Variants in KLHL35 observed in about 807,000 individuals in gnomAD.
KLHL35 encodes the protein kelch like family member 35, also known as kelch-like protein 35.
Under a neutral mutation model 44.0 loss-of-function variants are expected in KLHL35, and 50 were observed. That is an observed-to-expected ratio of 1.14 (90% CI 0.91 to 1.44). The LOEUF is 1.44. Among genes scored for constraint, KLHL35 ranks in the 40% most tolerant of loss-of-function variants. The probability of loss-of-function intolerance (pLI) is 0.00; values close to 1 mark genes in which losing one functional copy is unlikely to be tolerated. For missense variants in KLHL35, 1,049 were observed against 887.8 expected (o/e 1.18, Z -2.31); for synonymous variants, 470 against 410.4 (o/e 1.15, Z -1.76).
intron 2 of KLHL35, 104 bp downstream of exon 2, chr11:75,429,645 G>T: frequency 6.2e-6 from 8 of 1,294,670 alleles, no homozygotes; most frequent in Non-Finnish European, 8.0e-6. Flanking sequence ...ACGAATGACT[G>T]AATATCATCA....
In KLHL35 at chr11:75,430,286, A is replaced by T; in HGVS notation, c.344T>A (p.Val115Glu). 1.7e-6 allele frequency: 2 copies of T among 1,206,886 alleles called. No individual in the cohort carries two copies. The highest frequency in any genetic ancestry group is 2.1e-6 in the Non-Finnish European group (2 of 975,140). 74.8% of individuals were successfully genotyped at this position (1,206,886 alleles called of 1,614,324 possible). A position where few individuals can be genotyped will look rare whatever the true frequency, so the allele number is the denominator to read the frequency against. ...VVLDYVYGAG[V>E]RLRAEDEAAA... ...CGCCTCGTCCTCCGCGCGCAGCCGC[A>T]CGCCCGCTCCGTACACGTAGTCGAG... The change falls in exon 2 of 7, where the codon GTG (valine) becomes GAG (glutamate). Residue 115 changes from valine (V) to glutamate (E), a missense_variant. Coordinates refer to ENST00000539798, the MANE Select transcript of KLHL35 (RefSeq NM_001039548.3).
chr11:75,423,839 C>T lies in KLHL35; in HGVS notation c.1416G>A (p.Arg472=), dbSNP rs1445900701. 1.2e-6 allele frequency: 2 copies of T among 1,613,656 alleles called. No homozygotes were observed. The highest frequency in any genetic ancestry group is 1.7e-6 in the Non-Finnish European group (2 of 1,179,820). Residue 472 remains arginine, a synonymous_variant, in exon 6 of 7, where the codon CGG becomes CGA. Transcript: ENST00000539798. Reference sequence around the variant, plus strand: ...ACCGCTGTGAGAAGGGTGCTGGTGACCGCAGGCTCCACCGGTCCTCCTTGG... The same window carrying T: ...ACCGCTGTGAGAAGGGTGCTGGTGATCGCAGGCTCCACCGGTCCTCCTTGG... ...FDPKEDRWSL[R]SPAPFSQRCL... is the part of the protein sequence containing the mutation.
chr11:75,425,757 T>C, intron 4 of KLHL35, 176 bp from the exon 5 acceptor site: 1 of 493,460 alleles, frequency 2.0e-6, no homozygotes, highest in Non-Finnish European at 3.4e-6. Context: ...CTCCACCCAG[T>C]TGCTGTACCT....
intron 1 of KLHL35, among the ~76,000 whole-genome samples, chr11:75,432,379 T>A (rs1262631346): frequency 6.6e-6 from 1 of 152,208 alleles, no homozygotes; most frequent in Admixed American, 6.5e-5. Context: ...GACTGGATCC[T>A]GAATCCACCT....
Position 75,422,485 on chromosome 11 carries a change from A to G in KLHL35, c.*95T>C. 1 of 1,133,030 alleles carries G rather than the reference A, an allele frequency of 8.8e-7. No individual in the cohort carries two copies. Among genetic ancestry groups the G allele is most frequent in the Admixed American group, 2.1e-5 (1 of 48,362 alleles). The allele number at this position is 1,133,030 out of a possible 1,614,324, so 70.2% of individuals were successfully genotyped here. A position where few individuals can be genotyped will look rare whatever the true frequency, so the allele number is the denominator to read the frequency against. ...TACAAGAAAAGGGACCATTAAGTTA[A>G]GGGCTGTTTGCGTGGAGGTGCCATG... On this transcript the variant is annotated 3_prime_UTR_variant, in exon 7 of 7. Transcript: ENST00000539798.
rs1318763642 is a variant in KLHL35 at position 75,430,573 on chromosome 11, C to G, written c.57G>C (p.Ala19=). 1 of 1,449,218 alleles carries G rather than the reference C, an allele frequency of 6.9e-7. No individual in the cohort carries two copies. Among genetic ancestry groups the G allele is most frequent in the Non-Finnish European group, 9.0e-7 (1 of 1,106,372 alleles). The allele number at this position is 1,449,218 out of a possible 1,614,324, so 89.8% of individuals were successfully genotyped here. A position where few individuals can be genotyped will look rare whatever the true frequency, so the allele number is the denominator to read the frequency against. ...GCACGCGCTGCGCGTGGCACGGACC[C>G]GCGCACGGCGCTTCGCAGCCCGGCT... The part of the protein sequence containing the change: ...ESEPGCEAPC[A]GPCHAQRVLQ... Residue 19 remains alanine (A), a synonymous_variant, in exon 2 of 7, where the codon GCG becomes GCC. Transcript: ENST00000539798.
At chr11:75,424,521 C>CT (rs1464201962) in intron 5 of KLHL35, 1 of 151,588 alleles carries the variant, frequency 6.6e-6, no homozygotes, top group African/African-American at 2.5e-5. Flanking sequence ...ACCTCACTCT[C>CT]TGTTTCCTCA....
chr11:75,426,441 G>C, intron 4 of KLHL35, 79 bp downstream of exon 4: 2 of 942,672 alleles, frequency 2.1e-6, no homozygotes, highest in Non-Finnish European at 3.1e-6. Flanking sequence ...ACAAAGAGAG[G>C]GTTTTAGAGA....
chr11:75,430,876 A>G (rs1035986024), intron 1 of KLHL35, among the ~76,000 whole-genome samples: 15 of 152,272 alleles, frequency 9.9e-5, no homozygotes, highest in Admixed American at 2.6e-4. Context: ...GCGTTTTCCT[A>G]TCGATATCTG....
At chr11:75,423,937 A>G in intron 5 of KLHL35, 57 bp from the exon 6 acceptor site, 4 of 1,339,778 alleles carry the variant, frequency 3.0e-6, no homozygotes, top group Middle Eastern at 2.6e-4. Context: ...CAAATGCCCC[A>G]CCGCCCACAT....
At chr11:75,424,493 G>C (rs1198748802) in intron 5 of KLHL35, 3 of 152,626 alleles carry the variant, frequency 2.0e-5, no homozygotes, top group Non-Finnish European at 4.4e-5. Flanking sequence ...AACAGTTTCT[G>C]TATTTAGCTG....
In KLHL35 at chr11:75,430,600, C is replaced by T. The variant is rs1428371558; in HGVS notation, c.30G>A (p.Ser10=). 2.8e-6 allele frequency: 4 copies of T among 1,416,580 alleles called. No homozygotes were observed. The East Asian group carries it at 9.1e-5, about 32-fold the overall frequency. 87.8% of individuals were successfully genotyped at this position (1,416,580 alleles called of 1,614,324 possible). Residue 10 remains serine (S), a synonymous_variant, in exon 2 of 7, where the codon TCG becomes TCA. Coordinates refer to ENST00000539798, the MANE Select transcript of KLHL35 (RefSeq NM_001039548.3). The part of the protein sequence containing the change: MRQGHAPEE[S]EPGCEAPCAG... ...CGCACGGCGCTTCGCAGCCCGGCTC[C>T]GACTCCTCCGGCGCATGGCCTTGCC...
In KLHL35 at chr11:75,426,537, C is replaced by T. The variant is rs771665242; in HGVS notation, c.1168G>A (p.Ala390Thr). 16 of 1,596,680 alleles carry T rather than the reference C, an allele frequency of 1.0e-5. No individual in the cohort carries two copies. In the African/African-American group the frequency reaches 2.1e-4, roughly 21 times the overall value. The change falls in exon 4 of 7, where the codon GCA becomes ACA. Residue 390 changes from alanine (A) to threonine (T), a missense_variant. Coordinates refer to ENST00000539798, the MANE Select transcript of KLHL35 (RefSeq NM_001039548.3). ...LHKGRWRHKM[A>T]VVQGQLFAVG... The stretch of plus-strand genomic sequence containing the variant: ...GTGCCTACCTGCCCCTGCACAACTG[C>T]CATCTTGTGCCTCCACCTGCCCTTG...
chr11:75,428,359 G>A, intron 3 of KLHL35, 83 bp downstream of exon 3: 1 of 1,491,982 alleles, frequency 6.7e-7, no homozygotes, highest in Non-Finnish European at 9.1e-7. Flanking sequence ...CCTCTCTCCC[G>A]ATTGGAGGGA....
In KLHL35 at chr11:75,430,695, G is replaced by A. The variant is rs1316755880; in HGVS notation, c.-1-65C>T. On this transcript the variant is annotated intron_variant, in intron 1 of 6. Transcript: ENST00000539798. ...CTGGCTGCGCCCGGGAGAGGCGACA[G>A]CCCTCATCCGTTTATTTCCTCTCTT... is the stretch of plus-strand genomic sequence containing the variant. 5.6e-6 allele frequency: 7 copies of A among 1,240,416 alleles called. No individual in the cohort carries two copies. The South Asian group carries it at 1.5e-4, about 26-fold the overall frequency. The allele number at this position is 1,240,416 out of a possible 1,614,324, so 76.8% of individuals were successfully genotyped here. A position where few individuals can be genotyped will look rare whatever the true frequency, so the allele number is the denominator to read the frequency against.
intron 3 of KLHL35, 26 bp from the exon 4 acceptor site, chr11:75,426,664 C>A: frequency 6.7e-7 from 1 of 1,493,866 alleles, no homozygotes. Context: ...CAGCTGTTGC[C>A]CATCGGCTCT....
rs749035752 is a variant in KLHL35 at position 75,426,525 on chromosome 11, C to T, written c.1180G>A (p.Gly394Arg). ...CCGCTGCAGCTCGTGCCTACCTGCC[C>T]CTGCACAACTGCCATCTTGTGCCTC... Reference protein sequence around the residue: ...RWRHKMAVVQGQLFAVGGFDG... With the variant: ...RWRHKMAVVQRQLFAVGGFDG... The change falls in exon 4 of 7, where the codon GGG (glycine) becomes AGG (arginine). Residue 394 changes from glycine to arginine, a missense_variant. Transcript: ENST00000539798. 18 of 1,589,200 alleles carry T rather than the reference C, an allele frequency of 1.1e-5. No individual in the cohort carries two copies. The highest frequency in any genetic ancestry group is 8.6e-6 in the Non-Finnish European group (10 of 1,167,698).
chr11:75,430,280 A>G lies in KLHL35; in HGVS notation c.350T>C (p.Leu117Pro). 2 of 1,207,130 alleles carry G rather than the reference A, an allele frequency of 1.7e-6. No homozygotes were observed. The highest frequency in any genetic ancestry group is 4.5e-5 in the Admixed American group (1 of 22,004). 74.8% of individuals were successfully genotyped at this position (1,207,130 alleles called of 1,614,324 possible). A position where few individuals can be genotyped will look rare whatever the true frequency, so the allele number is the denominator to read the frequency against. ...LDYVYGAGVR[L>P]RAEDEAAAVL... ...GGCCGCCGCCTCGTCCTCCGCGCGC[A>G]GCCGCACGCCCGCTCCGTACACGTA... is the stretch of plus-strand genomic sequence containing the variant. Residue 117 changes from leucine (L) to proline (P), a missense_variant, in exon 2 of 7, where the codon CTG (leucine) becomes CCG (proline). Leu to Pro is a moderately conservative substitution (Grantham distance 98, BLOSUM62 -3). Transcript: ENST00000539798.
intron 1 of KLHL35, among the ~76,000 whole-genome samples, chr11:75,432,266 T>G (rs1317630814): frequency 6.6e-6 from 1 of 152,186 alleles, no homozygotes; most frequent in Non-Finnish European, 1.5e-5. Context: ...TCAGCCTGGC[T>G]TTCATGCCCT....
Sources: allele counts gnomAD v4.1 joint callset (sites outside exome capture counted in the v4.1 genomes callset), GRCh38; gene constraint gnomAD v4.1.1; transcripts MANE v1.5; gene names NCBI Gene and HGNC (gene_info 2026-07-23, HGNC 2026-07-21).